The following MAP3K14 variants were observed in gnomAD, a reference collection of about 807,000 sequenced individuals.
The protein encoded by MAP3K14 is NF-kappa-beta-inducing kinase.
A neutral mutation model predicts 99.2 loss-of-function variants in MAP3K14; 16 were observed. That is an observed-to-expected ratio of 0.16 (90% CI 0.11 to 0.24). MAP3K14 has a LOEUF of 0.24. Ranked by LOEUF, MAP3K14 falls within the 10% of genes least tolerant of loss-of-function variation. MAP3K14 has a pLI of 1.00. For missense variants in MAP3K14, 784 were observed against 1,208.7 expected (o/e 0.65, Z 5.21); for synonymous variants, 462 against 492.4 (o/e 0.94, Z 0.82).
At chr17:45,281,833 G>A (rs1033549620) in intron 6 of MAP3K14, 1 of 151,312 alleles carries the variant, frequency 6.6e-6, no homozygotes, top group African/African-American at 2.4e-5. Context: ...TAGTAGAGAT[G>A]GGGTTTCACC....
At chr17:45,300,923 T>C (rs373942365) in intron 1 of MAP3K14, among the ~76,000 whole-genome samples, 6 of 152,184 alleles carry the variant, frequency 3.9e-5, no homozygotes, top group African/African-American at 1.2e-4. Context: ...TACCAGCACT[T>C]TGGGAGGCCA....
intron 3 of MAP3K14, among the ~76,000 whole-genome samples, chr17:45,288,194 G>C (rs536742786): frequency 2.0e-5 from 3 of 152,170 alleles, no homozygotes; most frequent in African/African-American, 7.2e-5. Flanking sequence ...GTGTCTATCA[G>C]AGGCTCCTAC....
chr17:45,308,795 G>A (rs2044449323), intron 1 of MAP3K14, among the ~76,000 whole-genome samples: 1 of 151,814 alleles, frequency 6.6e-6, no homozygotes, highest in Non-Finnish European at 1.5e-5. Flanking sequence ...AGCCTCCCGA[G>A]TAGCTGGGAT....
chr17:45,270,185 C>G (rs866535327), intron 11 of MAP3K14, among the ~76,000 whole-genome samples: 4 of 152,178 alleles, frequency 2.6e-5, no homozygotes, highest in Non-Finnish European at 5.9e-5. Context: ...AAAAGCACTT[C>G]GAGTTTGCGT....
At chr17:45,293,326 C>A (rs2044325526) in intron 1 of MAP3K14, among the ~76,000 whole-genome samples, 1 of 152,176 alleles carries the variant, frequency 6.6e-6, no homozygotes, top group Non-Finnish European at 1.5e-5. Context: ...CCAACGGAGG[C>A]TTCTGGATAG....
rs1238703150 is a variant in MAP3K14 at position 45,263,501 on chromosome 17, G to C, written c.*1135C>G. On this transcript the variant is annotated 3_prime_UTR_variant, in exon 16 of 16. Coordinates refer to ENST00000344686, the MANE Select transcript of MAP3K14 (RefSeq NM_003954.5). The stretch of plus-strand genomic sequence containing the variant: ...AGGTTTGAGGAGTCACATGCATGTG[G>C]ACAGCTCAAGACTGTGTCCCTTCAC... 1 of 152,694 alleles carries C rather than the reference G, an allele frequency of 6.5e-6. No homozygotes were observed. Among genetic ancestry groups the C allele is most frequent in the Non-Finnish European group, 1.5e-5 (1 of 68,094 alleles). The allele number at this position is 152,694 out of a possible 1,614,324, so 9.5% of individuals were successfully genotyped here.
At chr17:45,269,702 G>A (rs561527156) in intron 11 of MAP3K14, among the ~76,000 whole-genome samples, 157 of 152,306 alleles carry the variant, frequency 1.0e-3, no homozygotes, top group South Asian at 1.2e-3. Context: ...GAGAACTTCT[G>A]GTAGCTGGGC....
intron 1 of MAP3K14, among the ~76,000 whole-genome samples, chr17:45,314,423 C>T (rs2044512575): frequency 6.6e-6 from 1 of 152,174 alleles, no homozygotes; most frequent in African/African-American, 2.4e-5. Context: ...TTAGAGCTCC[C>T]TAAATCCACT....
At chr17:45,274,653 G>A in intron 6 of MAP3K14, 60 bp from the exon 7 acceptor site, 3 of 1,579,890 alleles carry the variant, frequency 1.9e-6, no homozygotes, top group Admixed American at 1.7e-5. Context: ...TGGGTCCCTG[G>A]CATCCTGTCA....
At chr17:45,309,320 C>T (rs2044453883) in intron 1 of MAP3K14, among the ~76,000 whole-genome samples, 1 of 152,218 alleles carries the variant, frequency 6.6e-6, no homozygotes, top group Non-Finnish European at 1.5e-5. Flanking sequence ...ACAGTGCTGG[C>T]TCAGGCTGGA....
In MAP3K14 at chr17:45,267,617, C is replaced by T. The variant is rs1249865347; in HGVS notation, c.2115G>A (p.Glu705=). The part of the protein sequence containing the change: ...PRAPGPRPAE[E]TTGRAPKLQP... ...GGAGCTTAGGGGCTCTGCCTGTTGT[C>T]TCCTCAGCTGGCCGGGGCCCTGGGG... is the stretch of plus-strand genomic sequence containing the variant. Residue 705 remains glutamate (E), a synonymous_variant, in exon 12 of 16, where the codon GAG becomes GAA. Coordinates refer to ENST00000344686, the MANE Select transcript of MAP3K14 (RefSeq NM_003954.5). This position sits in a 1 kb window ranked among gnomAD's most constrained non-coding sequence, Gnocchi z 5.1. The T allele has an allele frequency of 1.2e-6, 2 of 1,613,214 alleles. No homozygotes were observed. Among genetic ancestry groups the T allele is most frequent in the South Asian group, 2.2e-5 (2 of 91,020 alleles).
chr17:45,274,060 T>G, intron 8 of MAP3K14, 63 bp downstream of exon 8: 1 of 1,574,852 alleles, frequency 6.3e-7, no homozygotes, highest in Non-Finnish European at 8.7e-7. Flanking sequence ...TGAGAGGAGA[T>G]CAGACAGGAT....
chr17:45,268,842 G>T (rs1423222662), intron 11 of MAP3K14, among the ~76,000 whole-genome samples: 2 of 152,112 alleles, frequency 1.3e-5, no homozygotes, highest in East Asian at 3.9e-4. Flanking sequence ...TGCACCCAGG[G>T]GTAGAAGTCC....
chr17:45,316,749 C>A (rs567850162), intron 1 of MAP3K14, among the ~76,000 whole-genome samples: 1 of 151,796 alleles, frequency 6.6e-6, no homozygotes, highest in East Asian at 1.9e-4. Flanking sequence ...CCGGGGCGAG[C>A]GCGGCACCGG....
intron 10 of MAP3K14, chr17:45,270,771 A>G (rs2044136809): frequency 1.2e-6 from 1 of 817,004 alleles, no homozygotes; most frequent in Non-Finnish European, 1.9e-6. Flanking sequence ...GCCAGGCAGC[A>G]AGACGCCCAC....
chr17:45,266,989 C>A, intron 13 of MAP3K14, 103 bp downstream of exon 13: 1 of 889,326 alleles, frequency 1.1e-6, no homozygotes, highest in Non-Finnish European at 1.8e-6. Context: ...CCACTACTTG[C>A]ACAGTGTCCA....
Position 45,274,667 on chromosome 17 carries a change from C to T in MAP3K14, c.1291-74G>A, listed in dbSNP as rs2044165658. 9 of 1,540,546 alleles carry T rather than the reference C, an allele frequency of 5.8e-6. No individual in the cohort carries two copies. The East Asian group carries it at 1.8e-4, about 31-fold the overall frequency. On this transcript the variant is annotated intron_variant, in intron 6 of 15. Coordinates refer to ENST00000344686, the MANE Select transcript of MAP3K14 (RefSeq NM_003954.5). ...CTGGGTCCCTGGCATCCTGTCAGCACCCTAGTGCTCCACACACAGAGGCTG... is the reference window on the plus strand; with the variant it reads ...CTGGGTCCCTGGCATCCTGTCAGCATCCTAGTGCTCCACACACAGAGGCTG...
Position 45,287,368 on chromosome 17 carries a change from T to A in MAP3K14, c.327-4A>T. ...CTGATCAAGACTCTCGGACTGGCTGTCACAAAAGGGACAGATTTGCATATT... is the reference window on the plus strand; with the variant it reads ...CTGATCAAGACTCTCGGACTGGCTGACACAAAAGGGACAGATTTGCATATT... On this transcript the variant is annotated splice_polypyrimidine_tract_variant and splice_region_variant and intron_variant, in intron 3 of 15. Transcript: ENST00000344686. The A allele has an allele frequency of 1.2e-6, 2 of 1,613,570 alleles. No individual in the cohort carries two copies. Among genetic ancestry groups the A allele is most frequent in the Non-Finnish European group, 1.7e-6 (2 of 1,179,564 alleles).
At chr17:45,285,250 T>C (rs1947424171) in intron 5 of MAP3K14, among the ~76,000 whole-genome samples, 1 of 150,998 alleles carries the variant, frequency 6.6e-6, no homozygotes, top group Non-Finnish European at 1.5e-5. Flanking sequence ...ACCTTGACAA[T>C]GAAAAAACAA....
Sources: allele counts gnomAD v4.1 joint callset (sites outside exome capture counted in the v4.1 genomes callset), GRCh38; gene constraint gnomAD v4.1.1; non-coding constraint Gnocchi (gnomAD v3.1); transcripts MANE v1.5; gene names NCBI Gene and HGNC (gene_info 2026-07-23, HGNC 2026-07-21).